The following PARD3B variants were observed in gnomAD, a reference collection of about 807,000 sequenced individuals.
PARD3B encodes partitioning defective 3 homolog B.
Under a neutral mutation model 130.2 loss-of-function variants are expected in PARD3B, and 103 were observed. That is an observed-to-expected ratio of 0.79 (90% CI 0.67 to 0.93). PARD3B has a LOEUF of 0.93. Ranked by LOEUF, PARD3B falls within the 40% of genes least tolerant of loss-of-function variation. The pLI, the probability that PARD3B is intolerant of heterozygous loss-of-function variation, is 0.00. For synonymous variants in PARD3B, 583 were observed against 553.2 expected (o/e 1.05, Z -0.76); for missense variants, 1,609 against 1,499.2 (o/e 1.07, Z -1.21).
intron 21 of PARD3B, among the ~76,000 whole-genome samples, chr2:205,517,491 A>G (rs957058176): frequency 2.0e-5 from 3 of 152,086 alleles, no homozygotes; most frequent in African/African-American, 7.2e-5. Flanking sequence ...TAGTCTAGCT[A>G]CCAGCCTATC....
intron 18 of PARD3B, among the ~76,000 whole-genome samples, chr2:205,319,113 C>T (rs2042659452): frequency 6.6e-6 from 1 of 152,168 alleles, no homozygotes. Flanking sequence ...TTTCAATAGC[C>T]TCTCCCGTGA....
At chr2:204,949,310 C>CTCTT (rs903242792) in intron 2 of PARD3B, among the ~76,000 whole-genome samples, 3 of 151,484 alleles carry the variant, frequency 2.0e-5, no homozygotes, top group Admixed American at 1.3e-4. Context: ...CTTTCTTTTT[C>CTCTT]TCTTTCTTTC....
At position 205,321,011 on chromosome 2, in the gene PARD3B, T is replaced by A. The variant is rs1402386751; in HGVS notation, c.2630+19310T>A. Among the ~76,000 whole-genome samples, 1 of 152,204 alleles carries A rather than the reference T, an allele frequency of 6.6e-6. No individual in the cohort carries two copies. The highest frequency in any genetic ancestry group is 1.5e-5 in the Non-Finnish European group (1 of 68,030). ...CATTCTCTTACTAGTGTAAAATTAT[T>A]TTTTGTTCCCTTTCCATAGTTCTCC... is the stretch of plus-strand genomic sequence containing the variant. On this transcript the variant is annotated intron_variant, in intron 18 of 22. Transcript: ENST00000406610. The surrounding 1 kb of genome is among the most constrained non-coding windows in gnomAD (Gnocchi z 4.2).
In PARD3B at chr2:204,801,686, A is replaced by G. The variant is rs144518130; in HGVS notation, c.222+115404A>G. 7.5e-3 allele frequency among the ~76,000 whole-genome samples: 1,136 copies of G among 152,300 alleles called. 11 individuals carry two copies. The highest frequency in any genetic ancestry group is 0.026 in the African/African-American group (1,074 of 41,558). On this transcript the variant is annotated intron_variant, in intron 2 of 22. Transcript: ENST00000406610. ...TTTGACTTCCTCTCTTCCTATTTGAATACCCTTTATTTCTTTCTCTTGCCT... is the reference window on the plus strand; with the variant it reads ...TTTGACTTCCTCTCTTCCTATTTGAGTACCCTTTATTTCTTTCTCTTGCCT...
rs550051987 is a variant in PARD3B, at chr2:205,130,413, G to A, written c.1434+4676G>A. Among the ~76,000 whole-genome samples, 25 of 152,254 alleles carry A rather than the reference G, an allele frequency of 1.6e-4. No homozygotes were observed. The South Asian group carries it at 1.7e-3, about 10-fold the overall frequency. ...CTTATGCTAAATGTCAGATAAAGCC[G>A]TATTTCCACTTAAGAAAGCTCCTGA... On this transcript the variant is annotated intron_variant, in intron 10 of 22. Coordinates refer to ENST00000406610, the MANE Select transcript of PARD3B (RefSeq NM_001302769.2).
chr2:205,546,055 C>T (rs184250506), intron 21 of PARD3B, among the ~76,000 whole-genome samples: 8 of 152,276 alleles, frequency 5.3e-5, no homozygotes, highest in East Asian at 1.9e-4. Flanking sequence ...ACACCCCAGC[C>T]GGCAGCAGGC....
chr2:205,487,035 T>C (rs2049471844), intron 20 of PARD3B, among the ~76,000 whole-genome samples: 2 of 152,206 alleles, frequency 1.3e-5, no homozygotes, highest in Admixed American at 1.3e-4. Flanking sequence ...TAATTCTGTG[T>C]TTATTACATA....
intron 21 of PARD3B, among the ~76,000 whole-genome samples, chr2:205,552,205 G>A (rs186690656): frequency 5.9e-5 from 9 of 152,130 alleles, no homozygotes; most frequent in African/African-American, 1.7e-4. Flanking sequence ...AACACAGGAC[G>A]TACAGAGGAA....
rs2055478779 is a variant in PARD3B at position 205,617,707 on chromosome 2, G to C, written c.*1894G>C. 6.6e-6 allele frequency: 1 copy of C among 152,168 alleles called. No individual in the cohort carries two copies. Among genetic ancestry groups the C allele is most frequent in the Non-Finnish European group, 1.5e-5 (1 of 68,040 alleles). 9.4% of individuals were successfully genotyped at this position (152,168 alleles called of 1,614,324 possible). On this transcript the variant is annotated 3_prime_UTR_variant, in exon 23 of 23. Coordinates refer to ENST00000406610, the MANE Select transcript of PARD3B (RefSeq NM_001302769.2). Reference sequence around the variant, plus strand: ...GAAGTGGTTGAGGATCTCAGGCCCTGCTCACGTGAGGTGGAGTGCAGGGGA... The same window carrying C: ...GAAGTGGTTGAGGATCTCAGGCCCTCCTCACGTGAGGTGGAGTGCAGGGGA...
chr2:205,588,367 G>C (rs7560223), intron 22 of PARD3B, among the ~76,000 whole-genome samples: 21,349 of 152,172 alleles, frequency 0.14, 1,934 homozygotes, highest in Middle Eastern at 0.25. Context: ...ATCTATCCCA[G>C]AGAATTCTTT....
At chr2:204,584,072 A>G (rs2032711286) in intron 1 of PARD3B, among the ~76,000 whole-genome samples, 1 of 152,214 alleles carries the variant, frequency 6.6e-6, no homozygotes, top group Non-Finnish European at 1.5e-5. Flanking sequence ...AGGAATTTGT[A>G]GTTCACAGAA....
chr2:204,766,943 C>T (rs1218769440), intron 2 of PARD3B, among the ~76,000 whole-genome samples: 4 of 133,476 alleles, frequency 3.0e-5, no homozygotes, highest in Non-Finnish European at 4.9e-5. Flanking sequence ...CTGCTCTCTG[C>T]TGTTTCTTGT....
chr2:205,210,023 A>G (rs2037540439), intron 15 of PARD3B, among the ~76,000 whole-genome samples: 1 of 151,940 alleles, frequency 6.6e-6, no homozygotes, highest in Admixed American at 6.6e-5. Flanking sequence ...CCATAAATAT[A>G]TACACCTACT....
intron 19 of PARD3B, among the ~76,000 whole-genome samples, chr2:205,422,048 T>C (rs1559078417): frequency 6.6e-6 from 1 of 152,018 alleles, no homozygotes; most frequent in Non-Finnish European, 1.5e-5. Flanking sequence ...TGTAAACAGA[T>C]AAATAAAAAA....
At chr2:204,897,999 A>G (rs974776646) in intron 2 of PARD3B, among the ~76,000 whole-genome samples, 1 of 152,114 alleles carries the variant, frequency 6.6e-6, no homozygotes, top group African/African-American at 2.4e-5. Flanking sequence ...GTTTGGAATA[A>G]TGAAAAGCTC....
chr2:204,837,125 T>A (rs1203888497), intron 2 of PARD3B, among the ~76,000 whole-genome samples: 2 of 152,132 alleles, frequency 1.3e-5, no homozygotes, highest in Non-Finnish European at 2.9e-5. Flanking sequence ...GTGTCATACT[T>A]TCACGTGAAT....
At chr2:205,088,523 T>C (rs1701881620) in intron 4 of PARD3B, among the ~76,000 whole-genome samples, 1 of 152,164 alleles carries the variant, frequency 6.6e-6, no homozygotes, top group Non-Finnish European at 1.5e-5. Flanking sequence ...TTTAAACCAT[T>C]TGGACCATAG....
At chr2:204,647,432 T>A in intron 1 of PARD3B, among the ~76,000 whole-genome samples, 1 of 151,848 alleles carries the variant, frequency 6.6e-6, no homozygotes, top group East Asian at 1.9e-4. Context: ...AATTTCTCAA[T>A]TTTTTTGTAT....
At chr2:204,848,543 C>A (rs1415711425) in intron 2 of PARD3B, among the ~76,000 whole-genome samples, 1 of 152,078 alleles carries the variant, frequency 6.6e-6, no homozygotes, top group Non-Finnish European at 1.5e-5. Context: ...CCTCTGGAGG[C>A]TGAGGCAGAA....
Sources: gnomAD v4.1 joint callset for allele counts (sites outside exome capture counted in the v4.1 genomes callset) on GRCh38, gnomAD v4.1.1 for gene constraint, Gnocchi (gnomAD v3.1) non-coding constraint, MANE v1.5 for transcripts, NCBI Gene and HGNC (gene_info 2026-07-23, HGNC 2026-07-21) for gene names.